The following PRICKLE2 variants were observed in gnomAD, a reference collection of about 807,000 sequenced individuals.
The protein encoded by PRICKLE2 is prickle-like protein 2.
Under a neutral mutation model 81.4 loss-of-function variants are expected in PRICKLE2, and 21 were observed. That is an observed-to-expected ratio of 0.26 (90% CI 0.18 to 0.37). PRICKLE2 has a LOEUF of 0.37. PRICKLE2 is among the 10% of genes least tolerant of loss of function. PRICKLE2 has a pLI of 1.00. For synonymous variants in PRICKLE2, 456 were observed against 421.5 expected, an observed-to-expected ratio of 1.08 and a Z score of -1.00; for missense variants, 940 against 1,109.0, an observed-to-expected ratio of 0.85 and a Z score of 2.16.
chr3:64,172,290 A>G (rs1010291609), intron 2 of PRICKLE2, among the ~76,000 whole-genome samples: 9 of 152,264 alleles, frequency 5.9e-5, no homozygotes, highest in African/African-American at 2.2e-4. Flanking sequence ...GCATTTGCGT[A>G]TATGCCCTAT....
Position 64,147,398 on chromosome 3 carries a change from C to A in PRICKLE2, c.1092G>T (p.Arg364=). The change falls in exon 7 of 8, where the codon CGG becomes CGT. Residue 364 remains arginine (R), a synonymous_variant. Transcript: ENST00000638394. This position sits in a 1 kb window ranked among gnomAD's most constrained non-coding sequence, Gnocchi z 5.0. The part of the protein sequence containing the change: ...QHSQLQVSSN[R]LSADVDPLSL... ...ACAGGGGGTCTACGTCGGCTGACAG[C>A]CGGTTAGAACTCACTTGCAGCTGGC... 1 of 1,614,254 alleles carries A rather than the reference C, an allele frequency of 6.2e-7. No individual in the cohort carries two copies.
intron 2 of PRICKLE2, among the ~76,000 whole-genome samples, chr3:64,261,877 A>C (rs2079619945): frequency 6.6e-6 from 1 of 152,160 alleles, no homozygotes; most frequent in African/African-American, 2.4e-5. Flanking sequence ...GAAGGTGTTA[A>C]ACAGGGTCAT....
At chr3:64,162,935 A>G (rs2077757858) in intron 3 of PRICKLE2, 81 bp downstream of exon 3, 2 of 919,672 alleles carry the variant, frequency 2.2e-6, no homozygotes, top group African/African-American at 3.2e-5. Context: ...CGGCTACCTC[A>G]TTGGTGGCAG....
rs769630015 is a variant in PRICKLE2, at chr3:64,160,072, T to A, written c.264A>T (p.Arg88=). The change falls in exon 4 of 8, where the codon CGA becomes CGT. Residue 88 remains arginine (R), a synonymous_variant. Transcript: ENST00000638394. ...HQLPPHDNEV[R]YCNSLDEEEK... ...CTTCCTCATCCAGGGAGTTGCAATA[T>A]CGAACCTGAATAGACACAGACAATG... is the stretch of plus-strand genomic sequence containing the variant. 2 of 1,613,946 alleles carry A rather than the reference T, an allele frequency of 1.2e-6. No homozygotes were observed. Among genetic ancestry groups the A allele is most frequent in the Admixed American group, 3.3e-5 (2 of 60,000 alleles).
At chr3:64,135,650 C>T (rs561486788) in intron 7 of PRICKLE2, among the ~76,000 whole-genome samples, 24 of 151,880 alleles carry the variant, frequency 1.6e-4, no homozygotes, top group African/African-American at 5.8e-4. Context: ...GGTGGGCAGG[C>T]TGAAGGAGAT....
At chr3:64,248,273 T>C (rs2079389446) in intron 2 of PRICKLE2, among the ~76,000 whole-genome samples, 1 of 152,148 alleles carries the variant, frequency 6.6e-6, no homozygotes. Context: ...TCCTTATTCA[T>C]TTCAAGGAAA....
intron 7 of PRICKLE2, among the ~76,000 whole-genome samples, chr3:64,132,174 C>T (rs1017441862): frequency 6.6e-6 from 1 of 152,230 alleles, no homozygotes; most frequent in African/African-American, 2.4e-5. Flanking sequence ...CCTTTCAATG[C>T]AGTTAACCCT....
At position 64,094,571 on chromosome 3, in the gene PRICKLE2, T is replaced by C. The variant is rs757784141; in HGVS notation, c.*4480A>G. 1 of 152,232 alleles carries C rather than the reference T, an allele frequency of 6.6e-6. No homozygotes were observed. Among genetic ancestry groups the C allele is most frequent in the Non-Finnish European group, 1.5e-5 (1 of 68,038 alleles). 9.4% of individuals were successfully genotyped at this position (152,232 alleles called of 1,614,324 possible). ...GTCAGCAGGAAGTAAGCTTATAAAA[T>C]AGTATGGCTCCCAATAGTGAGTCAT... On this transcript the variant is annotated 3_prime_UTR_variant, in exon 8 of 8. Transcript: ENST00000638394.
intron 1 of PRICKLE2, among the ~76,000 whole-genome samples, chr3:64,215,928 C>T (rs2078864791): frequency 6.6e-6 from 1 of 152,212 alleles, no homozygotes; most frequent in African/African-American, 2.4e-5. Flanking sequence ...GGTTGTTAAA[C>T]TGTTGAGTGA....
intron 2 of PRICKLE2, among the ~76,000 whole-genome samples, chr3:64,248,410 T>C (rs551048128): frequency 7.4e-4 from 112 of 152,316 alleles, no homozygotes; most frequent in African/African-American, 2.5e-3. Context: ...AGTTAATTAA[T>C]GTGTAACCAA....
chr3:64,226,148 TCTC>T (rs938139376), upstream of PRICKLE2, among the ~76,000 whole-genome samples: 3 of 152,112 alleles, frequency 2.0e-5, no homozygotes, highest in Non-Finnish European at 2.9e-5. Flanking sequence ...ATTGCTTCCA[TCTC>T]CTCATTTTAC....
chr3:64,261,393 C>A (rs762616835), intron 2 of PRICKLE2, among the ~76,000 whole-genome samples: 1 of 152,120 alleles, frequency 6.6e-6, no homozygotes, highest in African/African-American at 2.4e-5. Context: ...GGTACTGTCA[C>A]TGAAGATGGG....
intron 2 of PRICKLE2, among the ~76,000 whole-genome samples, chr3:64,237,487 C>A (rs1391406260): frequency 1.3e-5 from 2 of 152,084 alleles, no homozygotes; most frequent in Non-Finnish European, 2.9e-5. Flanking sequence ...CCTGTGAAAT[C>A]AAGTTGCTTC....
intron 2 of PRICKLE2, among the ~76,000 whole-genome samples, chr3:64,244,943 T>C (rs961385447): frequency 3.3e-5 from 5 of 152,132 alleles, no homozygotes; most frequent in Non-Finnish European, 7.4e-5. Flanking sequence ...GCTGCCAAGT[T>C]TTGATCCATG....
At chr3:64,103,585 T>A (rs1192843561) in intron 7 of PRICKLE2, 3 of 152,220 alleles carry the variant, frequency 2.0e-5, no homozygotes, top group African/African-American at 7.2e-5. Flanking sequence ...GGATGGTGGC[T>A]GTAAAACAAT....
chr3:64,154,608 T>A (rs2077599102), intron 5 of PRICKLE2: 1 of 152,014 alleles, frequency 6.6e-6, no homozygotes, highest in African/African-American at 2.4e-5. Context: ...AATAAAACGC[T>A]TAGAAGAAAA....
rs2076555943 is a variant in PRICKLE2 at position 64,095,265 on chromosome 3, G to A, written c.*3786C>T. ...CCTCCACAACCTGGGATGGGGGAGG[G>A]GCAGGTGAATTGGAGTCTCCGAATT... On this transcript the variant is annotated 3_prime_UTR_variant, in exon 8 of 8. Coordinates refer to ENST00000638394, the MANE Select transcript of PRICKLE2 (RefSeq NM_198859.4). The A allele has an allele frequency of 6.6e-6, 1 of 152,054 alleles. No individual in the cohort carries two copies. The highest frequency in any genetic ancestry group is 1.5e-5 in the Non-Finnish European group (1 of 68,014). 9.4% of individuals were successfully genotyped at this position (152,054 alleles called of 1,614,324 possible).
chr3:64,258,673 A>AG (rs2079562880), intron 2 of PRICKLE2, among the ~76,000 whole-genome samples: 1 of 151,438 alleles, frequency 6.6e-6, no homozygotes, highest in African/African-American at 2.4e-5. Context: ...AAGAAAAAAA[A>AG]AATAGCCAGG....
rs768892286 is a variant in PRICKLE2 at position 64,099,910 on chromosome 3, C to T, written c.1676G>A (p.Gly559Asp). ...TAGGTGCTCCTGGCGCTTGGCACCA[C>T]CATCAGCAGAGAGGCCTGGGGAAGA... ...LSNATGLSAD[G>D]GAKRQEHLSR... The change falls in exon 8 of 8, where the codon GGT becomes GAT. Residue 559 changes from glycine (G) to aspartate (D), a missense_variant. Transcript: ENST00000638394. This position sits in a 1 kb window ranked among gnomAD's most constrained non-coding sequence, Gnocchi z 4.3. The T allele has an allele frequency of 1.2e-6, 2 of 1,614,166 alleles. No homozygotes were observed. The highest frequency in any genetic ancestry group is 2.2e-5 in the South Asian group (2 of 91,082).
Sources: gnomAD v4.1 joint callset for allele counts (sites outside exome capture counted in the v4.1 genomes callset) on GRCh38, gnomAD v4.1.1 for gene constraint, Gnocchi (gnomAD v3.1) non-coding constraint, MANE v1.5 for transcripts, NCBI Gene and HGNC (gene_info 2026-07-23, HGNC 2026-07-21) for gene names.